HOMER2: variants seen among roughly 807,000 people sequenced by gnomAD.
HOMER2 encodes homer scaffold protein 2.
Under a neutral mutation model 47.0 loss-of-function variants are expected in HOMER2, and 27 were observed. The observed-to-expected ratio is 0.57, with a 90% CI of 0.42 to 0.79. HOMER2 has a LOEUF of 0.79. HOMER2 is among the 30% of genes least tolerant of loss of function. The pLI is 0.00. For missense variants in HOMER2, 443 were observed against 435.0 expected, an observed-to-expected ratio of 1.02 and a Z score of -0.16; for synonymous variants, 161 against 163.8, an observed-to-expected ratio of 0.98 and a Z score of 0.13.
chr15:82,957,777 GGC>G (rs780062683), downstream of HOMER2, among the ~76,000 whole-genome samples: 12 of 152,064 alleles, frequency 7.9e-5, no homozygotes, highest in Admixed American at 1.3e-4. Flanking sequence ...TCCCATCCAG[GGC>G]TCTCCTAAGT....
intron 1 of HOMER2, among the ~76,000 whole-genome samples, chr15:82,929,687 C>T (rs2151192382): frequency 6.6e-6 from 1 of 150,918 alleles, no homozygotes; most frequent in Middle Eastern, 3.5e-3. Context: ...CAAAGGAAGC[C>T]TCGGCTACTA....
intron 1 of HOMER2, among the ~76,000 whole-genome samples, chr15:82,947,656 G>A (rs141883725): frequency 6.6e-6 from 1 of 152,282 alleles, no homozygotes; most frequent in Non-Finnish European, 1.5e-5. Context: ...AAAGAAAGCT[G>A]CATCCAAATG....
At chr15:82,855,657 C>T (rs904422402) in intron 5 of HOMER2, among the ~76,000 whole-genome samples, 18 of 152,168 alleles carry the variant, frequency 1.2e-4, no homozygotes, top group African/African-American at 4.1e-4. Context: ...GAGAGAGTGA[C>T]CAGGAATCAG....
upstream of HOMER2, among the ~76,000 whole-genome samples, chr15:82,954,591 G>C (rs1244306984): frequency 1.3e-5 from 2 of 149,972 alleles, no homozygotes; most frequent in East Asian, 4.0e-4. Context: ...GCCTGGCCGA[G>C]TTTTTCATTT....
chr15:82,928,400 T>C (rs560228192), intron 1 of HOMER2, among the ~76,000 whole-genome samples: 1 of 152,322 alleles, frequency 6.6e-6, no homozygotes, highest in South Asian at 2.1e-4. Flanking sequence ...ACTTTACCTG[T>C]TACCAAGAAC....
chr15:82,922,086 C>G (rs1277812489), intron 1 of HOMER2, among the ~76,000 whole-genome samples: 1 of 152,150 alleles, frequency 6.6e-6, no homozygotes, highest in Non-Finnish European at 1.5e-5. Context: ...GCTCCTTGTC[C>G]AAGGGCTCCT....
chr15:82,936,847 C>G (rs1445550875), intron 1 of HOMER2, among the ~76,000 whole-genome samples: 1 of 152,088 alleles, frequency 6.6e-6, no homozygotes, highest in East Asian at 1.9e-4. Context: ...GCCACCATGC[C>G]TGGCCAGCTC....
chr15:82,934,048 C>T (rs1052975502), intron 1 of HOMER2, among the ~76,000 whole-genome samples: 1 of 152,156 alleles, frequency 6.6e-6, no homozygotes, highest in East Asian at 1.9e-4. Flanking sequence ...CAGGCCTCAG[C>T]ATCCCTGGCC....
intron 5 of HOMER2, among the ~76,000 whole-genome samples, chr15:82,856,831 C>T (rs565113888): frequency 1.3e-3 from 201 of 152,202 alleles, no homozygotes; most frequent in Non-Finnish European, 2.4e-3. Flanking sequence ...AACTCTGTGG[C>T]GGCTCTGGCT....
intron 1 of HOMER2, among the ~76,000 whole-genome samples, chr15:82,945,121 T>C (rs1388464012): frequency 6.6e-6 from 1 of 152,030 alleles, no homozygotes. Flanking sequence ...CACTGCAAAT[T>C]ACCCAATGTT....
chr15:82,967,390 A>G (rs1467293132), intron 1 of HOMER2, among the ~76,000 whole-genome samples: 1 of 152,188 alleles, frequency 6.6e-6, no homozygotes, highest in African/African-American at 2.4e-5. Context: ...AAGAGCTCTT[A>G]GTGTTGAGAG....
At chr15:82,893,461 T>C (rs983717071) in intron 1 of HOMER2, among the ~76,000 whole-genome samples, 22 of 150,294 alleles carry the variant, frequency 1.5e-4, no homozygotes, top group South Asian at 4.2e-4. Flanking sequence ...GCCTCCTGAG[T>C]AGCTGGGATT....
intron 2 of HOMER2, among the ~76,000 whole-genome samples, chr15:82,882,877 ACTG>A (rs1396021859): frequency 5.1e-5 from 3 of 59,000 alleles, no homozygotes; most frequent in Admixed American, 2.0e-4. Flanking sequence ...TACACCAGCC[ACTG>A]CTTTTTTTTT....
intron 1 of HOMER2, among the ~76,000 whole-genome samples, chr15:82,917,818 A>C (rs1024319138): frequency 6.6e-6 from 1 of 152,198 alleles, no homozygotes; most frequent in Non-Finnish European, 1.5e-5. Flanking sequence ...TTGGCTTTAA[A>C]ATTATATCAC....
chr15:82,972,618 G>A (rs1322566284), intron 1 of HOMER2, among the ~76,000 whole-genome samples: 2 of 152,072 alleles, frequency 1.3e-5, no homozygotes, highest in Admixed American at 1.3e-4. Flanking sequence ...CCAGGTGGAG[G>A]TTGCAGTGAG....
At chr15:82,896,650 C>T (rs2052928827) in intron 1 of HOMER2, among the ~76,000 whole-genome samples, 1 of 152,154 alleles carries the variant, frequency 6.6e-6, no homozygotes, top group Non-Finnish European at 1.5e-5. Context: ...AGGTAGTCAC[C>T]ATGGCAGGAA....
At chr15:82,846,319 T>G (rs2051247088), downstream of HOMER2, 3 of 152,248 alleles carry the variant, frequency 2.0e-5, no homozygotes, top group Admixed American at 6.5e-5. Context: ...TAACCAACTT[T>G]CTTGGAAAGA....
At chr15:82,983,477 T>G (rs1376533827) in intron 1 of HOMER2, among the ~76,000 whole-genome samples, 5 of 152,256 alleles carry the variant, frequency 3.3e-5, no homozygotes. Context: ...TTTACAAATG[T>G]ATTTGGGCTC....
chr15:82,932,742 G>A (rs1014202758), intron 1 of HOMER2, among the ~76,000 whole-genome samples: 3 of 152,144 alleles, frequency 2.0e-5, no homozygotes, highest in Non-Finnish European at 4.4e-5. Context: ...TCTCTCTGAG[G>A]ATGAGGAAAA....
Sources: allele counts gnomAD v4.1 joint callset (sites outside exome capture counted in the v4.1 genomes callset), GRCh38; gene constraint gnomAD v4.1.1; transcripts MANE v1.5; gene names NCBI Gene and HGNC (gene_info 2026-07-23, HGNC 2026-07-21).